The following RGS22 variants were observed in gnomAD, a reference collection of about 807,000 sequenced individuals.
The protein encoded by RGS22 is regulator of G protein signaling 22.
RGS22 carries 148 observed loss-of-function variants against 172.9 expected under a neutral mutation model. The observed-to-expected ratio is 0.86, with a 90% CI of 0.75 to 0.98. The LOEUF is 0.98. Ranked by LOEUF, RGS22 falls within the 50% of genes least tolerant of loss-of-function variation. The probability of loss-of-function intolerance (pLI) is 0.00; values close to 1 mark genes in which losing one functional copy is unlikely to be tolerated. For missense variants in RGS22, 1,347 were observed against 1,440.8 expected, an observed-to-expected ratio of 0.93 and a Z score of 1.05; for synonymous variants, 458 against 480.2, an observed-to-expected ratio of 0.95 and a Z score of 0.60.
chr8:100,101,525 C>T (rs1477237816), intron 2 of RGS22, among the ~76,000 whole-genome samples: 2 of 146,968 alleles, frequency 1.4e-5, no homozygotes, highest in African/African-American at 5.0e-5. Context: ...GATCTCCTGA[C>T]TTCATGATCC....
intron 15 of RGS22, among the ~76,000 whole-genome samples, chr8:100,007,610 AG>A (rs1172313002): frequency 1.3e-5 from 2 of 152,190 alleles, no homozygotes; most frequent in Non-Finnish European, 2.9e-5. Flanking sequence ...AAAATGAAAT[AG>A]GCTTTTCTGT....
chr8:100,052,984 T>C lies in RGS22; in HGVS notation c.1515-8A>G, dbSNP rs372622608. 6 of 1,611,958 alleles carry C rather than the reference T, an allele frequency of 3.7e-6. No homozygotes were observed. Among genetic ancestry groups the C allele is most frequent in the Non-Finnish European group, 5.1e-6 (6 of 1,178,846 alleles). The stretch of plus-strand genomic sequence containing the variant: ...ACACAGAATCTTGGTGCCCTGTTTA[T>C]TGGAAAAATAAATGTAAGATTGAAC... On this transcript the variant is annotated splice_region_variant and splice_polypyrimidine_tract_variant and intron_variant, in intron 9 of 27. Transcript: ENST00000360863.
At chr8:99,971,886 C>T (rs1417718347) in intron 23 of RGS22, among the ~76,000 whole-genome samples, 1 of 151,954 alleles carries the variant, frequency 6.6e-6, no homozygotes, top group Non-Finnish European at 1.5e-5. Flanking sequence ...CTTCACAGAG[C>T]TAGAAAAAAC....
intron 2 of RGS22, among the ~76,000 whole-genome samples, chr8:100,098,762 T>C (rs1207200292): frequency 3.9e-5 from 6 of 151,938 alleles, no homozygotes; most frequent in Admixed American, 2.6e-4. Flanking sequence ...TGTCTCTCTC[T>C]CTCTCAACAA....
intron 14 of RGS22, among the ~76,000 whole-genome samples, chr8:100,027,538 A>G (rs1818314127): frequency 6.6e-6 from 1 of 152,164 alleles, no homozygotes; most frequent in South Asian, 2.1e-4. Flanking sequence ...GCTGGAGTGC[A>G]TTGGCATGAT....
At chr8:99,969,706 T>C (rs1320669943) in intron 23 of RGS22, among the ~76,000 whole-genome samples, 1 of 152,200 alleles carries the variant, frequency 6.6e-6, no homozygotes, top group Non-Finnish European at 1.5e-5. Flanking sequence ...TAAATATATG[T>C]GCACCCAATA....
chr8:100,056,107 A>C (rs1385746513), intron 9 of RGS22, among the ~76,000 whole-genome samples: 1 of 152,202 alleles, frequency 6.6e-6, no homozygotes, highest in East Asian at 1.9e-4. Context: ...AGGTGGTCTC[A>C]GACGGAGATG....
intron 4 of RGS22, among the ~76,000 whole-genome samples, chr8:100,077,547 G>T (rs150535641): frequency 1.3e-5 from 2 of 152,136 alleles, no homozygotes; most frequent in Admixed American, 1.3e-4. Flanking sequence ...TTTTGTTACC[G>T]ATTTATAGTT....
intron 17 of RGS22, 43 bp from the exon 18 acceptor site, chr8:100,002,407 T>G (rs1377522276): frequency 6.5e-7 from 1 of 1,544,908 alleles, no homozygotes; most frequent in African/African-American, 1.4e-5. Flanking sequence ...TCATATTTCT[T>G]CCTCTAAATT....
intron 23 of RGS22, among the ~76,000 whole-genome samples, chr8:99,972,446 C>T (rs1347914469): frequency 6.6e-6 from 1 of 152,082 alleles, no homozygotes; most frequent in Admixed American, 6.6e-5. Flanking sequence ...AAAGAAACTA[C>T]CATCAGAGGG....
intron 24 of RGS22, among the ~76,000 whole-genome samples, chr8:99,963,198 C>T (rs1810393401): frequency 6.6e-6 from 1 of 152,130 alleles, no homozygotes; most frequent in South Asian, 2.1e-4. Flanking sequence ...TATCAACCTA[C>T]CTTAGTCCAT....
Position 100,038,911 on chromosome 8 carries a change from C to G in RGS22, c.2166+20G>C, listed in dbSNP as rs1407638247. On this transcript the variant is annotated intron_variant, in intron 14 of 27. Transcript: ENST00000360863. ...GTGTACTTAGTGCTTCACATTGAAC[C>G]AATATTATTTACTACGTACTTGCGC... The G allele has an allele frequency of 6.6e-7, 1 of 1,513,706 alleles. No homozygotes were observed. The highest frequency in any genetic ancestry group is 9.1e-7 in the Non-Finnish European group (1 of 1,096,314). The allele number at this position is 1,513,706 out of a possible 1,614,324, so 93.8% of individuals were successfully genotyped here. A position where few individuals can be genotyped will look rare whatever the true frequency, so the allele number is the denominator to read the frequency against.
At chr8:100,089,945 C>T (rs2131974050) in intron 3 of RGS22, among the ~76,000 whole-genome samples, 1 of 152,232 alleles carries the variant, frequency 6.6e-6, no homozygotes, top group East Asian at 1.9e-4. Flanking sequence ...AATACTGGAA[C>T]TTGCAACTTT....
At chr8:100,032,027 T>C (rs1589019526) in intron 14 of RGS22, among the ~76,000 whole-genome samples, 1 of 152,042 alleles carries the variant, frequency 6.6e-6, no homozygotes. Flanking sequence ...GCACTAAACA[T>C]GGAAAGGAAC....
At chr8:99,996,906 G>A (rs1003791850) in intron 19 of RGS22, among the ~76,000 whole-genome samples, 12 of 152,138 alleles carry the variant, frequency 7.9e-5, no homozygotes, top group Non-Finnish European at 1.8e-4. Flanking sequence ...ACTCAACATG[G>A]AAATACAGTA....
intron 9 of RGS22, among the ~76,000 whole-genome samples, chr8:100,058,065 G>A (rs1809788467): frequency 6.6e-6 from 1 of 151,822 alleles, no homozygotes; most frequent in Non-Finnish European, 1.5e-5. Flanking sequence ...GCTGAAAAAT[G>A]CAACTCACAT....
At chr8:100,001,103 AAATT>A (rs894432903) in intron 18 of RGS22, among the ~76,000 whole-genome samples, 1 of 151,014 alleles carries the variant, frequency 6.6e-6, no homozygotes, top group Non-Finnish European at 1.5e-5. Context: ...CAAGCTAAAT[AAATT>A]ATGATAATTA....
chr8:99,963,589 C>T (rs1018534027), intron 24 of RGS22, among the ~76,000 whole-genome samples: 1 of 152,058 alleles, frequency 6.6e-6, no homozygotes, highest in South Asian at 2.1e-4. Context: ...GCAGATTCAA[C>T]CCAATTGCAG....
At chr8:100,062,539 C>T in intron 9 of RGS22, 52 bp downstream of exon 9, 1 of 1,222,866 alleles carries the variant, frequency 8.2e-7, no homozygotes, top group Admixed American at 2.1e-5. Context: ...AAGTATAACT[C>T]ATAACTGGCG....
Sources: gnomAD v4.1 joint callset for allele counts (sites outside exome capture counted in the v4.1 genomes callset) on GRCh38, gnomAD v4.1.1 for gene constraint, MANE v1.5 for transcripts, NCBI Gene and HGNC (gene_info 2026-07-23, HGNC 2026-07-21) for gene names.